ACTN4: variants seen among roughly 807,000 people sequenced by gnomAD.
The protein encoded by ACTN4 is actinin alpha 4.
A neutral mutation model predicts 114.2 loss-of-function variants in ACTN4; 18 were observed. The ratio of observed to expected loss-of-function variants is 0.16; its 90% CI spans 0.11 to 0.23. The LOEUF (loss-of-function observed/expected upper bound fraction) is 0.23, where lower values mean the gene tolerates loss of function less well. ACTN4 is among the 10% of genes least tolerant of loss of function. The probability of loss-of-function intolerance (pLI) is 1.00; values close to 1 mark genes in which losing one functional copy is unlikely to be tolerated. For missense variants in ACTN4, 722 were observed against 1,262.9 expected (o/e 0.57, Z 6.49); for synonymous variants, 515 against 506.3 (o/e 1.02, Z -0.23).
chr19:38,723,793 G>A (rs978585626), intron 13 of ACTN4, 71 bp downstream of exon 13: 10 of 1,465,040 alleles, frequency 6.8e-6, no homozygotes, highest in Non-Finnish European at 9.4e-6. Flanking sequence ...TGTGGATAGT[G>A]TCCAGACCTG....
intron 2 of ACTN4, 61 bp from the exon 3 acceptor site, chr19:38,700,941 G>A (rs892673777): frequency 1.5e-5 from 24 of 1,598,870 alleles, no homozygotes; most frequent in South Asian, 7.8e-5. Flanking sequence ...TCTCCCTCTC[G>A]CCCTCTCTCC....
intron 1 of ACTN4, among the ~76,000 whole-genome samples, chr19:38,671,536 A>T (rs1967128640): frequency 6.6e-6 from 1 of 152,232 alleles, no homozygotes; most frequent in Admixed American, 6.5e-5. Context: ...TGTGACAGAG[A>T]TCCATCCTGA....
chr19:38,727,862 CT>C lies in ACTN4; in HGVS notation c.2338-83del. The C allele has an allele frequency of 1.5e-6, 2 of 1,316,576 alleles. No homozygotes were observed. Among genetic ancestry groups the C allele is most frequent in the Middle Eastern group, 1.8e-4 (1 of 5,498 alleles). The allele number at this position is 1,316,576 out of a possible 1,614,324, so 81.6% of individuals were successfully genotyped here. On this transcript the variant is annotated intron_variant, in intron 18 of 20. Coordinates refer to ENST00000252699, the MANE Select transcript of ACTN4 (RefSeq NM_004924.6). The surrounding 1 kb of genome is among the most constrained non-coding windows in gnomAD (Gnocchi z 5.4). ...TCCCTCCCCTACGTGTCCCTTCCCC[CT>C]GCCCTCTGCATGTGACCCCGATCCC...
rs1277691581 is a variant in ACTN4, at chr19:38,724,496, C to T, written c.1941C>T (p.Asn647=). The change falls in exon 16 of 21, where the codon AAC becomes AAT. Residue 647 remains asparagine, a synonymous_variant. Coordinates refer to ENST00000252699, the MANE Select transcript of ACTN4 (RefSeq NM_004924.6). The surrounding 1 kb of genome is among the most constrained non-coding windows in gnomAD (Gnocchi z 7.0). ...AGGAGCAGAGCAAGCAGCAGTCCAA[C>T]GAGCACCTGCGCCGCCAGTTCGCCA... ...LLEEQSKQQS[N]EHLRRQFASQ... is the part of the protein sequence containing the mutation. 23 of 1,613,360 alleles carry T rather than the reference C, an allele frequency of 1.4e-5. No individual in the cohort carries two copies. Among genetic ancestry groups the T allele is most frequent in the South Asian group, 2.2e-5 (2 of 91,088 alleles).
At chr19:38,674,855 C>T (rs1262559512) in intron 1 of ACTN4, among the ~76,000 whole-genome samples, 1 of 152,192 alleles carries the variant, frequency 6.6e-6, no homozygotes, top group Non-Finnish European at 1.5e-5. Flanking sequence ...CCATTCAGGT[C>T]TTGGAGAATA....
At chr19:38,684,024 C>G (rs1007943274) in intron 1 of ACTN4, 4 of 152,658 alleles carry the variant, frequency 2.6e-5, no homozygotes, top group Non-Finnish European at 5.8e-5. Flanking sequence ...AGAGCAAACA[C>G]AAGACGTGGA....
At position 38,727,198 on chromosome 19, in the gene ACTN4, C is replaced by G; in HGVS notation, c.2337+95C>G. 1 of 1,578,782 alleles carries G rather than the reference C, an allele frequency of 6.3e-7. No homozygotes were observed. The highest frequency in any genetic ancestry group is 8.6e-7 in the Non-Finnish European group (1 of 1,159,592). On this transcript the variant is annotated intron_variant, in intron 18 of 20. Coordinates refer to ENST00000252699, the MANE Select transcript of ACTN4 (RefSeq NM_004924.6). The surrounding 1 kb of genome is among the most constrained non-coding windows in gnomAD (Gnocchi z 5.4). The stretch of plus-strand genomic sequence containing the variant: ...TGCATCTGTTCGTCCATTCCCATCA[C>G]AGTTGCTGAGCGTCGGCCGCCACTC...
rs1426283378 is a variant in ACTN4 at position 38,701,025 on chromosome 19, C to T, written c.301C>T (p.Arg101Trp). ...AGGGGAGCGGTTACCTAAGCCGGAG[C>T]GGGGGAAGATGAGAGTGCACAAAAT... ...ISGERLPKPE[R>W]GKMRVHKINN... Residue 101 changes from arginine (R) to tryptophan (W), a missense_variant, in exon 3 of 21, where the codon CGG becomes TGG. By Grantham distance (101) the Arg-to-Trp change is moderately radical (BLOSUM62 -3). This residue lies in a region of ACTN4 where 127 missense variants were observed against 311.3 expected (regional missense o/e 0.41). Coordinates refer to ENST00000252699, the MANE Select transcript of ACTN4 (RefSeq NM_004924.6). 1.2e-6 allele frequency: 2 copies of T among 1,613,960 alleles called. No individual in the cohort carries two copies. Among genetic ancestry groups the T allele is most frequent in the Non-Finnish European group, 1.7e-6 (2 of 1,180,006 alleles).
chr19:38,728,132 ATCTCATGGC>A, intron 19 of ACTN4, 106 bp downstream of exon 19: 6 of 1,409,810 alleles, frequency 4.3e-6, no homozygotes, highest in Non-Finnish European at 5.9e-6. Context: ...CCTGTGTGCC[ATCTCATGGC>A]TCTCTTGCCT....
intron 1 of ACTN4, among the ~76,000 whole-genome samples, chr19:38,651,121 G>A (rs1976549692): frequency 6.6e-6 from 1 of 152,198 alleles, no homozygotes; most frequent in African/African-American, 2.4e-5. Flanking sequence ...CTGGGCACGG[G>A]AAGAATGACA....
At chr19:38,707,192 T>C (rs1968490496) in intron 5 of ACTN4, among the ~76,000 whole-genome samples, 1 of 152,078 alleles carries the variant, frequency 6.6e-6, no homozygotes, top group Admixed American at 6.6e-5. Flanking sequence ...GTGTCTTCTT[T>C]TTTTTCCTGC....
chr19:38,668,694 A>G lies in ACTN4; in HGVS notation c.162+20787A>G, dbSNP rs183379199. On this transcript the variant is annotated intron_variant, in intron 1 of 20. Transcript: ENST00000252699. ...AGTGAGACTCCATCGCAAAAAAAGA[A>G]AAAAGAAAAAAAGAAAAGATGGACA... Among the ~76,000 whole-genome samples, 271 of 152,054 alleles carry G rather than the reference A, an allele frequency of 1.8e-3. 2 individuals are homozygous for G. The highest frequency in any genetic ancestry group is 5.4e-3 in the African/African-American group (224 of 41,462).
chr19:38,701,521 T>C (rs1283461958), intron 3 of ACTN4, among the ~76,000 whole-genome samples: 2 of 152,240 alleles, frequency 1.3e-5, no homozygotes. Context: ...CATTATGCCC[T>C]GCCCGGTATC....
chr19:38,721,360 C>T (rs1969034107), intron 11 of ACTN4, among the ~76,000 whole-genome samples, 178 bp from the exon 12 acceptor site: 1 of 152,222 alleles, frequency 6.6e-6, no homozygotes, highest in Non-Finnish European at 1.5e-5. Context: ...TACAGTTGGG[C>T]TTAGAGATCC....
intron 1 of ACTN4, among the ~76,000 whole-genome samples, chr19:38,673,575 ATTCATATATATT>A (rs1304380654): frequency 1.2e-5 from 1 of 85,966 alleles, no homozygotes; most frequent in Non-Finnish European, 2.3e-5. Flanking sequence ...ATTTATATAT[ATTCATATATATT>A]TATATATATT....
intron 8 of ACTN4, 90 bp from the exon 9 acceptor site, chr19:38,714,379 G>A: frequency 8.4e-7 from 1 of 1,190,826 alleles, no homozygotes; most frequent in East Asian, 2.5e-5. Flanking sequence ...GAGTTCCGTG[G>A]GCCATGGACC....
intron 8 of ACTN4, among the ~76,000 whole-genome samples, chr19:38,713,335 G>A (rs2145046600): frequency 6.6e-6 from 1 of 152,340 alleles, no homozygotes; most frequent in South Asian, 2.1e-4. Flanking sequence ...GCAGCCCCGT[G>A]CTCACAGAGA....
chr19:38,650,745 T>C (rs1333266564), intron 1 of ACTN4, among the ~76,000 whole-genome samples: 2 of 152,084 alleles, frequency 1.3e-5, no homozygotes, highest in Admixed American at 1.3e-4. Context: ...GGGTTGTTTG[T>C]TTGTTTGTTT....
chr19:38,728,534 C>G (rs1005521077), intron 19 of ACTN4, among the ~76,000 whole-genome samples: 2 of 151,786 alleles, frequency 1.3e-5, no homozygotes, highest in Non-Finnish European at 2.9e-5. Flanking sequence ...CCGTGCCTGC[C>G]TCTTCCTCTG....
Sources: gnomAD v4.1 joint callset for allele counts (sites outside exome capture counted in the v4.1 genomes callset) on GRCh38, gnomAD v4.1.1 for gene constraint, gnomAD v4.1.1 regional missense constraint, Gnocchi (gnomAD v3.1) non-coding constraint, MANE v1.5 for transcripts, NCBI Gene and HGNC (gene_info 2026-07-23, HGNC 2026-07-21) for gene names.